Variants in TMEM94 observed in about 807,000 individuals in gnomAD.
The protein encoded by TMEM94 is transmembrane protein 94, also known as ER Mg2+ ATPase.
TMEM94 carries 81 observed loss-of-function variants against 158.6 expected under a neutral mutation model. The ratio of observed to expected loss-of-function variants is 0.51; its 90% confidence interval spans 0.43 to 0.61. The LOEUF is 0.61. Among genes scored for constraint, TMEM94 ranks in the 20% least tolerant of loss-of-function variants. The pLI, the probability that TMEM94 is intolerant of heterozygous loss-of-function variation, is 0.00. For synonymous variants in TMEM94, 751 were observed against 730.7 expected (o/e 1.03, Z -0.45); for missense variants, 1,435 against 1,762.0 (o/e 0.81, Z 3.32).
chr17:75,476,813 T>G (rs1169993506), intron 2 of TMEM94: 1 of 1,532,076 alleles, frequency 6.5e-7, no homozygotes, highest in African/African-American at 1.4e-5. Context: ...GTGGGAGTCT[T>G]CGGGTTAGCG....
chr17:75,474,866 G>A lies in TMEM94; in HGVS notation c.24+2937G>A, dbSNP rs371943283. Among the ~76,000 whole-genome samples, 22 of 152,264 alleles carry A rather than the reference G, an allele frequency of 1.4e-4. No homozygotes were observed. The East Asian group carries it at 2.5e-3, about 17-fold the overall frequency. On this transcript the variant is annotated intron_variant, in intron 2 of 31. Transcript: ENST00000314256. ...CCTGTCCCCGGTCCTCCAGCCCACA[G>A]TGGCCCTGCTGTGGCAGTGACAGCC...
chr17:75,488,803 C>T lies in TMEM94; in HGVS notation c.657C>T (p.Pro219=), dbSNP rs755479406. 1.2e-6 allele frequency: 2 copies of T among 1,613,664 alleles called. No homozygotes were observed. The stretch of plus-strand genomic sequence containing the variant: ...TGGAGCCGGGAGACCTCTTCCCCCC[C>T]TTCTCCCCTCCACCCTCACCCCGGG... ...IVLEPGDLFP[P]FSPPPSPRGE... is the part of the protein sequence containing the mutation. The change falls in exon 7 of 32, where the codon CCC becomes CCT. Residue 219 remains proline (P), a synonymous_variant. Transcript: ENST00000314256.
Position 75,494,563 on chromosome 17 carries a change from G to A in TMEM94, c.2408-64G>A, listed in dbSNP as rs1033467632. 5 of 1,540,738 alleles carry A rather than the reference G, an allele frequency of 3.2e-6. No homozygotes were observed. In the African/African-American group the frequency reaches 5.5e-5, roughly 17 times the overall value. ...ATTGATTTGGGTGTGGCATCTGTGT[G>A]TGTGGCCCTGGGCTGGTTCCTGGGT... On this transcript the variant is annotated intron_variant, in intron 18 of 31. Transcript: ENST00000314256.
chr17:75,480,503 G>C (rs1439918370), intron 2 of TMEM94, among the ~76,000 whole-genome samples: 1 of 152,236 alleles, frequency 6.6e-6, no homozygotes, highest in African/African-American at 2.4e-5. Flanking sequence ...CTGGGGTAGA[G>C]ACAGCAAGAG....
rs1446892674 is a variant in TMEM94 at position 75,498,182 on chromosome 17, A to G, written c.3497A>G (p.His1166Arg). Residue 1166 changes from histidine to arginine, a missense_variant, in exon 28 of 32, where the codon CAC (histidine) becomes CGC (arginine). Physicochemically the swap from His to Arg is conservative, Grantham distance 29. This residue lies in a region of TMEM94 where 335 missense variants were observed against 409.1 expected (regional missense o/e 0.82). Transcript: ENST00000314256. This position sits in a 1 kb window ranked among gnomAD's most constrained non-coding sequence, Gnocchi z 6.7. ...NLQSIPKKTQHYFLLCFLLKF... is the reference protein window; with the variant it reads ...NLQSIPKKTQRYFLLCFLLKF... ...CTGGCCTTGTTCCCGCAGACCCAGC[A>G]CTACTTCCTGCTCTGCTTCCTGCTC... 6.2e-7 allele frequency: 1 copy of G among 1,613,780 alleles called. No individual in the cohort carries two copies. Among genetic ancestry groups the G allele is most frequent in the Non-Finnish European group, 8.5e-7 (1 of 1,180,014 alleles).
At chr17:75,497,935 G>A (rs1351650837) in intron 27 of TMEM94, 73 bp downstream of exon 27, 1 of 1,416,914 alleles carries the variant, frequency 7.1e-7, no homozygotes, top group East Asian at 2.3e-5. Flanking sequence ...GGAGAGAGGG[G>A]CTAATCTGGA....
In TMEM94 at chr17:75,494,946, C is replaced by T. The variant is rs764174770; in HGVS notation, c.2640C>T (p.Ser880=). 6.2e-7 allele frequency: 1 copy of T among 1,613,512 alleles called. No homozygotes were observed. Among genetic ancestry groups the T allele is most frequent in the Admixed American group, 1.7e-5 (1 of 60,030 alleles). ...GLETGWNCHI[S]LTPNGDMPGS... The stretch of plus-strand genomic sequence containing the variant: ...AGACAGGCTGGAACTGCCACATCTC[C>T]CTCACACCCAATGGTGACATGCCTG... Residue 880 remains serine, a synonymous_variant, in exon 20 of 32, where the codon TCC becomes TCT. Coordinates refer to ENST00000314256, the MANE Select transcript of TMEM94 (RefSeq NM_014738.6).
chr17:75,456,799 T>G (rs1026668733), intron 1 of TMEM94, 48 bp downstream of exon 1: 1 of 151,928 alleles, frequency 6.6e-6, no homozygotes, highest in Non-Finnish European at 1.5e-5. Flanking sequence ...CAAGGGGGCG[T>G]GGGGCTCGGC....
chr17:75,492,019 C>A lies in TMEM94; in HGVS notation c.1596+119C>A, dbSNP rs2052245867. On this transcript the variant is annotated intron_variant, in intron 14 of 31. Coordinates refer to ENST00000314256, the MANE Select transcript of TMEM94 (RefSeq NM_014738.6). The surrounding 1 kb of genome is among the most constrained non-coding windows in gnomAD (Gnocchi z 4.4). ...CAGGCGTCTCTGCCCTCTGTCCCAG[C>A]ACCTCCAGGCTAGGCCAGTGGTCCC... 2 of 1,071,398 alleles carry A rather than the reference C, an allele frequency of 1.9e-6. No individual in the cohort carries two copies. The highest frequency in any genetic ancestry group is 1.6e-5 in the African/African-American group (1 of 63,168). 66.4% of individuals were successfully genotyped at this position (1,071,398 alleles called of 1,614,324 possible).
intron 1 of TMEM94, among the ~76,000 whole-genome samples, chr17:75,463,108 A>ATATATATGTATATATATACGTG (rs2050158955): frequency 7.8e-5 from 1 of 12,886 alleles, no homozygotes; most frequent in Admixed American, 4.0e-4. Flanking sequence ...ATATGTGTGT[A>ATATATATGTATATATATACGTG]TATATATGTA....
At chr17:75,469,023 G>T (rs905321729) in intron 1 of TMEM94, among the ~76,000 whole-genome samples, 4 of 152,142 alleles carry the variant, frequency 2.6e-5, no homozygotes, top group African/African-American at 9.7e-5. Flanking sequence ...GGTGAGGGCT[G>T]GTGAGGGTAG....
intron 2 of TMEM94, among the ~76,000 whole-genome samples, chr17:75,482,634 A>G (rs1397465752): frequency 1.3e-5 from 2 of 152,196 alleles, no homozygotes; most frequent in East Asian, 1.9e-4. Context: ...GAGCCTAGAC[A>G]TCCACCACAT....
rs761084119 is a variant in TMEM94, at chr17:75,489,241, G to A, written c.765-25G>A. ...GGTTTCTAGCCTCTCTGCCAAGTGA[G>A]ACTGACAGTCACTTCTTTCTGCAGA... On this transcript the variant is annotated intron_variant, in intron 7 of 31. Transcript: ENST00000314256. This position sits in a 1 kb window ranked among gnomAD's most constrained non-coding sequence, Gnocchi z 5.0. 2 of 1,607,518 alleles carry A rather than the reference G, an allele frequency of 1.2e-6. No homozygotes were observed. Among genetic ancestry groups the A allele is most frequent in the Non-Finnish European group, 1.7e-6 (2 of 1,174,192 alleles).
At chr17:75,490,036 G>C in intron 9 of TMEM94, 198 bp from the exon 10 acceptor site, 2 of 686,126 alleles carry the variant, frequency 2.9e-6, no homozygotes, top group South Asian at 4.0e-5. Flanking sequence ...CCGAGATCAC[G>C]CCACTGCCCT....
Position 75,496,803 on chromosome 17 carries a change from T to C in TMEM94, c.3317T>C (p.Ile1106Thr). 6.2e-7 allele frequency: 1 copy of C among 1,613,638 alleles called. No homozygotes were observed. Among genetic ancestry groups the C allele is most frequent in the South Asian group, 1.1e-5 (1 of 91,086 alleles). Reference sequence around the variant, plus strand: ...CAGTGCCAGCTGACTCTTGTGGTCATCCAGGTGAGGTGGGGCCCGCACAGG... The same window carrying C: ...CAGTGCCAGCTGACTCTTGTGGTCACCCAGGTGAGGTGGGGCCCGCACAGG... ...LLQCQLTLVV[I>T]QFLSCLVQLP... The change falls in exon 25 of 32, where the codon ATC becomes ACC. Residue 1106 changes from isoleucine to threonine, a missense_variant. Coordinates refer to ENST00000314256, the MANE Select transcript of TMEM94 (RefSeq NM_014738.6).
chr17:75,497,297 G>T, intron 26 of TMEM94, 99 bp downstream of exon 26: 1 of 871,784 alleles, frequency 1.1e-6, no homozygotes, highest in South Asian at 1.4e-5. Flanking sequence ...GAACTGCTCA[G>T]GTCTCACCTC....
intron 1 of TMEM94, among the ~76,000 whole-genome samples, chr17:75,465,679 A>ATATATATATATATATATATATATTTTT (rs1247855961): frequency 6.4e-5 from 8 of 124,794 alleles, no homozygotes; most frequent in African/African-American, 2.5e-4. Flanking sequence ...ATATATATAT[A>ATATATATATATATATATATATATTTTT]TTTTTTTTTA....
In TMEM94 at chr17:75,495,010, T is replaced by A; in HGVS notation, c.2704T>A (p.Ser902Thr). Residue 902 changes from serine to threonine, a missense_variant, in exon 20 of 32, where the codon TCC becomes ACC. Around this residue, in one of 3 missense-constraint regions of TMEM94, gnomAD observed 1,051 missense variants for 1,254.4 expected, o/e 0.84. Transcript: ENST00000314256. This position sits in a 1 kb window ranked among gnomAD's most constrained non-coding sequence, Gnocchi z 5.6. ...IPPSSPSHAG[S>T]LHDDLNQVSR... ...CCCCTCCAGCCCCAGCCACGCAGGC[T>A]CCCTGCATGATGACCTGAATCAGGG... is the stretch of plus-strand genomic sequence containing the variant. The A allele has an allele frequency of 6.4e-7, 1 of 1,563,192 alleles. No homozygotes were observed. The highest frequency in any genetic ancestry group is 1.1e-5 in the South Asian group (1 of 90,354).
At chr17:75,493,463 C>T (rs755565092) in intron 16 of TMEM94, 28 bp from the exon 17 acceptor site, 1 of 1,605,724 alleles carries the variant, frequency 6.2e-7, no homozygotes, top group Non-Finnish European at 8.5e-7. Flanking sequence ...TGGTTAGCGA[C>T]ACTCAGGGTT....
Sources: gnomAD v4.1 joint callset for allele counts (sites outside exome capture counted in the v4.1 genomes callset) on GRCh38, gnomAD v4.1.1 for gene constraint, gnomAD v4.1.1 regional missense constraint, Gnocchi (gnomAD v3.1) non-coding constraint, MANE v1.5 for transcripts, NCBI Gene and HGNC (gene_info 2026-07-23, HGNC 2026-07-21) for gene names.